Variants in PTPRD observed in about 807,000 individuals in gnomAD.
PTPRD encodes receptor-type tyrosine-protein phosphatase delta.
A neutral mutation model predicts 214.5 loss-of-function variants in PTPRD; 34 were observed. The observed-to-expected ratio is 0.16, with a 90% CI of 0.12 to 0.21. The LOEUF is 0.21. Among genes scored for constraint, PTPRD ranks in the 10% least tolerant of loss-of-function variants. The pLI, the probability that PTPRD is intolerant of heterozygous loss-of-function variation, is 1.00. For synonymous variants in PTPRD, 1,128 were observed against 845.7 expected (o/e 1.33, Z -5.79); for missense variants, 2,545 against 2,398.7 (o/e 1.06, Z -1.27).
intron 11 of PTPRD, among the ~76,000 whole-genome samples, chr9:8,773,926 C>A (rs2095347298): frequency 6.6e-6 from 1 of 152,130 alleles, no homozygotes; most frequent in African/African-American, 2.4e-5. Context: ...GTCTGTGAAG[C>A]TTTCCTTACA....
chr9:9,180,979 A>G (rs2099927855), intron 10 of PTPRD, among the ~76,000 whole-genome samples: 1 of 152,118 alleles, frequency 6.6e-6, no homozygotes, highest in Non-Finnish European at 1.5e-5. Context: ...ATTAATTTGT[A>G]AAGCACTTTT....
intron 14 of PTPRD, among the ~76,000 whole-genome samples, chr9:8,561,487 C>T (rs1029556078): frequency 6.6e-6 from 1 of 152,102 alleles, no homozygotes; most frequent in African/African-American, 2.4e-5. Context: ...TGAGTACAAA[C>T]TATAACACAG....
chr9:9,836,902 T>C (rs2056917392), intron 5 of PTPRD, among the ~76,000 whole-genome samples: 1 of 152,170 alleles, frequency 6.6e-6, no homozygotes, highest in African/African-American at 2.4e-5. Flanking sequence ...AATTAATAGA[T>C]TATAACATGA....
intron 7 of PTPRD, among the ~76,000 whole-genome samples, chr9:9,714,660 A>G (rs2097788023): frequency 1.3e-5 from 2 of 152,192 alleles, no homozygotes; most frequent in African/African-American, 2.4e-5. Flanking sequence ...CTAACAATGA[A>G]AAGAGAAAAT....
intron 8 of PTPRD, among the ~76,000 whole-genome samples, chr9:9,416,895 G>A (rs1456473393): frequency 6.6e-6 from 1 of 151,258 alleles, no homozygotes; most frequent in Non-Finnish European, 1.5e-5. Flanking sequence ...GATGTTCACT[G>A]GGAAAATATT....
chr9:10,514,152 T>C (rs1264059923), intron 2 of PTPRD, among the ~76,000 whole-genome samples: 1 of 152,166 alleles, frequency 6.6e-6, no homozygotes, highest in African/African-American at 2.4e-5. Context: ...AACATATTTA[T>C]AAAATGAATA....
At chr9:9,741,231 C>A (rs1396959765) in intron 6 of PTPRD, among the ~76,000 whole-genome samples, 1 of 151,928 alleles carries the variant, frequency 6.6e-6, no homozygotes. Flanking sequence ...GAGAATTTTA[C>A]AAATTAGAGG....
intron 3 of PTPRD, among the ~76,000 whole-genome samples, chr9:10,124,844 T>A (rs114211256): frequency 1.9e-3 from 282 of 152,308 alleles, no homozygotes; most frequent in African/African-American, 6.4e-3. Flanking sequence ...TTTGTGTGAT[T>A]TTATAACATA....
intron 11 of PTPRD, among the ~76,000 whole-genome samples, chr9:8,752,440 G>A (rs2093624882): frequency 6.6e-6 from 1 of 152,166 alleles, no homozygotes; most frequent in Admixed American, 6.5e-5. Flanking sequence ...ATATCATCAA[G>A]AAATAACCAT....
chr9:10,472,084 A>T (rs2131742738), intron 2 of PTPRD, among the ~76,000 whole-genome samples: 1 of 152,270 alleles, frequency 6.6e-6, no homozygotes, highest in East Asian at 1.9e-4. Flanking sequence ...AAGGGCAAGT[A>T]AGAACAAGAT....
At chr9:9,714,691 G>C (rs1025871458) in intron 7 of PTPRD, among the ~76,000 whole-genome samples, 1 of 152,142 alleles carries the variant, frequency 6.6e-6, no homozygotes, top group African/African-American at 2.4e-5. Context: ...CTGAAGAGTG[G>C]TGGAGCTGAT....
chr9:9,778,678 A>G (rs1341984075), intron 5 of PTPRD, among the ~76,000 whole-genome samples: 4 of 152,120 alleles, frequency 2.6e-5, no homozygotes, highest in Admixed American at 1.3e-4. Flanking sequence ...TTAGCAGCCC[A>G]GCCTGAATGC....
chr9:9,781,096 G>C (rs117559319), intron 5 of PTPRD, among the ~76,000 whole-genome samples: 6 of 152,240 alleles, frequency 3.9e-5, no homozygotes, highest in Non-Finnish European at 8.8e-5. Flanking sequence ...TATTCTGCTT[G>C]ATGCTTTCAT....
chr9:10,460,963 T>C (rs1474423051), intron 2 of PTPRD, among the ~76,000 whole-genome samples: 7 of 152,034 alleles, frequency 4.6e-5, no homozygotes, highest in African/African-American at 1.7e-4. Flanking sequence ...ATCAACAGAC[T>C]GGGAAAAAAC....
rs140972937 is a variant in PTPRD at position 8,738,263 on chromosome 9, G to C, written c.-103-4317C>G. 9.1e-3 allele frequency among the ~76,000 whole-genome samples: 1,378 copies of C among 152,238 alleles called. 23 individuals carry two copies. Among genetic ancestry groups the C allele is most frequent in the African/African-American group, 0.031 (1,289 of 41,536 alleles). ...ACGGTTTCAAGCGATCACATAAAGT[G>C]ACACCTATCCAACTCTTTTTCTTCA... On this transcript the variant is annotated intron_variant, in intron 11 of 45. Coordinates refer to ENST00000381196, the MANE Select transcript of PTPRD (RefSeq NM_002839.4).
intron 4 of PTPRD, among the ~76,000 whole-genome samples, chr9:10,005,230 C>G (rs77774280): frequency 2.6e-5 from 4 of 152,072 alleles, no homozygotes; most frequent in Admixed American, 2.6e-4. Context: ...CTAAAGCACA[C>G]AACCAACAGC....
intron 37 of PTPRD, 39 bp downstream of exon 37, chr9:8,389,193 A>G (rs745988296): frequency 2.5e-5 from 39 of 1,553,898 alleles, no homozygotes; most frequent in Non-Finnish European, 3.1e-5. Context: ...ACTCTGAGGG[A>G]AAATTTTTAA....
At chr9:10,230,446 A>G (rs898301729) in intron 3 of PTPRD, among the ~76,000 whole-genome samples, 91 of 150,416 alleles carry the variant, frequency 6.0e-4, no homozygotes, top group African/African-American at 2.1e-3. Context: ...GTATCTATCT[A>G]TCTATCTATC....
At chr9:8,677,068 C>T (rs540799353) in intron 12 of PTPRD, among the ~76,000 whole-genome samples, 188 of 152,228 alleles carry the variant, frequency 1.2e-3, no homozygotes, top group African/African-American at 4.4e-3. Context: ...TTTTAAATGG[C>T]TTGCATACCT....
Sources: gnomAD v4.1 joint callset for allele counts (sites outside exome capture counted in the v4.1 genomes callset) on GRCh38, gnomAD v4.1.1 for gene constraint, MANE v1.5 for transcripts, NCBI Gene and HGNC (gene_info 2026-07-23, HGNC 2026-07-21) for gene names.